Variants in PRKG1 observed in about 807,000 individuals in gnomAD.
PRKG1 encodes the protein protein kinase cGMP-dependent 1.
A neutral mutation model predicts 88.1 loss-of-function variants in PRKG1; 35 were observed. The ratio of observed to expected loss-of-function variants is 0.40; its 90% CI spans 0.30 to 0.53. The LOEUF is 0.53. Ranked by LOEUF, PRKG1 falls within the 20% of genes least tolerant of loss-of-function variation. The pLI is 0.59. For synonymous variants in PRKG1, 303 were observed against 292.5 expected, an observed-to-expected ratio of 1.04 and a Z score of -0.37; for missense variants, 540 against 839.8, an observed-to-expected ratio of 0.64 and a Z score of 4.41.
chr10:51,922,050 G>C (rs1356537272), intron 5 of PRKG1, among the ~76,000 whole-genome samples: 6 of 151,780 alleles, frequency 4.0e-5, no homozygotes, highest in South Asian at 2.1e-4. Flanking sequence ...AGTGCCTTCT[G>C]TTTGGTAGGT....
At chr10:51,229,926 C>CAAAAAAAAAAAAAAAAAAAAAAAAAA (rs35300789) in intron 2 of PRKG1, among the ~76,000 whole-genome samples, 1 of 33,586 alleles carries the variant, frequency 3.0e-5, no homozygotes, top group African/African-American at 8.3e-5. Flanking sequence ...GAGGCGATCT[C>CAAAAAAAAAAAAAAAAAAAAAAAAAA]AAAAAAAAAA....
At chr10:51,917,875 A>G (rs2154281) in intron 5 of PRKG1, among the ~76,000 whole-genome samples, 38,167 of 152,120 alleles carry the variant, frequency 0.25, 5,149 homozygotes, top group East Asian at 0.5. Flanking sequence ...TTACATAGAA[A>G]AAAACAAATG....
chr10:51,470,353 A>G (rs1056058718), intron 3 of PRKG1, among the ~76,000 whole-genome samples: 13 of 151,770 alleles, frequency 8.6e-5, no homozygotes, highest in Admixed American at 7.2e-4. Context: ...ACTTGGGCGT[A>G]ATAGTCTAAT....
chr10:51,867,626 G>A (rs1841048687), intron 4 of PRKG1, among the ~76,000 whole-genome samples: 1 of 152,140 alleles, frequency 6.6e-6, no homozygotes, highest in African/African-American at 2.4e-5. Flanking sequence ...TGCCCAGCTT[G>A]GGTAACTGTC....
intron 3 of PRKG1, among the ~76,000 whole-genome samples, chr10:51,654,210 G>A (rs2132319088): frequency 6.6e-6 from 1 of 152,258 alleles, no homozygotes; most frequent in South Asian, 2.1e-4. Flanking sequence ...TGTATATGGT[G>A]TAAGACAAGG....
chr10:51,806,189 G>C (rs1322721565), intron 4 of PRKG1, among the ~76,000 whole-genome samples: 1 of 152,278 alleles, frequency 6.6e-6, no homozygotes, highest in Non-Finnish European at 1.5e-5. Context: ...GGTAATCAAT[G>C]AAATGGTAAC....
chr10:51,534,437 G>A (rs1458679921), intron 3 of PRKG1, among the ~76,000 whole-genome samples: 1 of 152,096 alleles, frequency 6.6e-6, no homozygotes, highest in Non-Finnish European at 1.5e-5. Context: ...GGGAGGCTGA[G>A]GCAGGCGGAT....
intron 3 of PRKG1, among the ~76,000 whole-genome samples, chr10:51,544,186 A>G (rs1420329721): frequency 9.6e-6 from 1 of 103,632 alleles, no homozygotes; most frequent in Admixed American, 9.5e-5. Context: ...TTTTTCTCCT[A>G]ATGCTATCCC....
At chr10:52,207,629 C>A (rs1368443836) in intron 9 of PRKG1, among the ~76,000 whole-genome samples, 1 of 152,204 alleles carries the variant, frequency 6.6e-6, no homozygotes, top group African/African-American at 2.4e-5. Flanking sequence ...CCCCTGCCAC[C>A]TCTCTAAGCA....
At chr10:51,053,546 C>A (rs987633) in intron 1 of PRKG1, among the ~76,000 whole-genome samples, 73,264 of 151,922 alleles carry the variant, frequency 0.48, 20,016 homozygotes, top group South Asian at 0.68. Flanking sequence ...CATGGTAAAT[C>A]CCCACCCAGT....
chr10:52,010,538 T>C (rs1844854508), intron 5 of PRKG1, among the ~76,000 whole-genome samples: 1 of 152,108 alleles, frequency 6.6e-6, no homozygotes, highest in Admixed American at 6.5e-5. Flanking sequence ...GATAGGATCT[T>C]TCATATTTCA....
At position 52,008,437 on chromosome 10, in the gene PRKG1, G is replaced by A. The variant is rs554545389; in HGVS notation, c.763-46047G>A. On this transcript the variant is annotated intron_variant, in intron 5 of 17. Transcript: ENST00000373980. ...ATAAGCACCATTAGAAATGGCAAAG[G>A]GGACATTACCACTGACCTCACAGAA... Among the ~76,000 whole-genome samples, 21 of 152,080 alleles carry A rather than the reference G, an allele frequency of 1.4e-4. No individual in the cohort carries two copies. The South Asian group carries it at 4.2e-3, about 30-fold the overall frequency.
intron 3 of PRKG1, among the ~76,000 whole-genome samples, chr10:51,769,866 C>A (rs967857386): frequency 2.0e-5 from 3 of 152,024 alleles, no homozygotes; most frequent in Admixed American, 1.3e-4. Context: ...AGTCAAAAAA[C>A]AAAAACAAAA....
intron 5 of PRKG1, among the ~76,000 whole-genome samples, chr10:52,024,298 C>A (rs192885597): frequency 0.2 from 28,364 of 142,736 alleles, 2,817 homozygotes; most frequent in East Asian, 0.34. Context: ...TTTATTTATT[C>A]ATTTATTTAT....
At chr10:51,034,382 T>A (rs1047868759) in intron 1 of PRKG1, among the ~76,000 whole-genome samples, 5 of 151,924 alleles carry the variant, frequency 3.3e-5, no homozygotes, top group African/African-American at 1.2e-4. Context: ...AGACAGAATA[T>A]TATCATGCAC....
intron 3 of PRKG1, among the ~76,000 whole-genome samples, chr10:51,682,284 C>T (rs115308421): frequency 0.039 from 5,889 of 152,192 alleles, 166 homozygotes; most frequent in Middle Eastern, 0.075. Context: ...TAAAGAAATA[C>T]GAGGAAAGTG....
At chr10:51,219,105 TTTAA>T (rs1234462805) in intron 2 of PRKG1, among the ~76,000 whole-genome samples, 11 of 152,210 alleles carry the variant, frequency 7.2e-5, no homozygotes, top group Non-Finnish European at 1.2e-4. Flanking sequence ...AATATGAAAT[TTTAA>T]TTAAATGAGT....
intron 2 of PRKG1, among the ~76,000 whole-genome samples, chr10:51,163,590 G>C (rs1455181076): frequency 1.3e-5 from 2 of 152,216 alleles, no homozygotes; most frequent in Non-Finnish European, 2.9e-5. Flanking sequence ...AGCAGGGCGA[G>C]GCATTGCCTC....
chr10:51,871,631 A>G (rs1403446050), intron 4 of PRKG1, among the ~76,000 whole-genome samples: 1 of 152,206 alleles, frequency 6.6e-6, no homozygotes, highest in Non-Finnish European at 1.5e-5. Flanking sequence ...ATACAAATAC[A>G]TAGTCCATCC....
Sources: allele counts gnomAD v4.1 joint callset (sites outside exome capture counted in the v4.1 genomes callset), GRCh38; gene constraint gnomAD v4.1.1; transcripts MANE v1.5; gene names NCBI Gene and HGNC (gene_info 2026-07-23, HGNC 2026-07-21).